The following FGF12 variants were observed in gnomAD, a reference collection of about 807,000 sequenced individuals.
FGF12 encodes the protein fibroblast growth factor 12.
In FGF12, 14 loss-of-function variants were observed where a neutral mutation model predicts 23.6. That is an observed-to-expected ratio of 0.59 (90% confidence interval 0.39 to 0.93). The LOEUF (loss-of-function observed/expected upper bound fraction) is 0.93. Among genes scored for constraint, FGF12 ranks in the 40% least tolerant of loss-of-function variants. The pLI, the probability that FGF12 is intolerant of heterozygous loss-of-function variation, is 0.00. For synonymous variants in FGF12, 62 were observed against 77.3 expected, an observed-to-expected ratio of 0.80 and a Z score of 1.04; for missense variants, 175 against 217.8, an observed-to-expected ratio of 0.80 and a Z score of 1.24.
At chr3:192,669,552 C>T (rs1419458277) in intron 2 of FGF12, among the ~76,000 whole-genome samples, 2 of 136,732 alleles carry the variant, frequency 1.5e-5, no homozygotes, top group Non-Finnish European at 3.0e-5. Context: ...TGCAGTGAGC[C>T]GAAATTGTGC....
intron 2 of FGF12, among the ~76,000 whole-genome samples, chr3:192,456,467 T>A (rs896453802): frequency 6.6e-6 from 1 of 152,222 alleles, no homozygotes; most frequent in Non-Finnish European, 1.5e-5. Context: ...ATCTTTTTTA[T>A]TATAAATGTG....
intron 2 of FGF12, among the ~76,000 whole-genome samples, chr3:192,598,389 T>G (rs143435184): frequency 6.6e-6 from 1 of 152,296 alleles, no homozygotes; most frequent in African/African-American, 2.4e-5. Context: ...GTTCATTGCT[T>G]GTATAATTTA....
intron 2 of FGF12, among the ~76,000 whole-genome samples, chr3:192,722,030 T>C (rs1719053904): frequency 6.6e-6 from 1 of 152,182 alleles, no homozygotes; most frequent in African/African-American, 2.4e-5. Flanking sequence ...TGTAAGCTTT[T>C]AGAGGGCAAG....
intron 2 of FGF12, among the ~76,000 whole-genome samples, chr3:192,604,677 G>A (rs915632150): frequency 6.6e-6 from 1 of 152,102 alleles, no homozygotes; most frequent in Non-Finnish European, 1.5e-5. Context: ...AGCTACAAAT[G>A]TCATTTTTTA....
chr3:192,279,184 T>G (rs1401638640), intron 4 of FGF12, among the ~76,000 whole-genome samples: 2 of 150,392 alleles, frequency 1.3e-5, no homozygotes, highest in Non-Finnish European at 2.9e-5. Flanking sequence ...AATGATCAGT[T>G]TGTATACTGA....
intron 2 of FGF12, among the ~76,000 whole-genome samples, chr3:192,637,123 T>C (rs1419151528): frequency 6.6e-6 from 1 of 152,212 alleles, no homozygotes; most frequent in East Asian, 1.9e-4. Context: ...CTCGCTCCTA[T>C]TTCTTTGGAT....
intron 2 of FGF12, among the ~76,000 whole-genome samples, chr3:192,722,797 C>G (rs569715380): frequency 2.6e-5 from 4 of 152,102 alleles, no homozygotes; most frequent in Non-Finnish European, 5.9e-5. Flanking sequence ...ATTTTGCCCA[C>G]GAGAAGGTTA....
intron 2 of FGF12, among the ~76,000 whole-genome samples, chr3:192,545,905 T>G (rs2108580992): frequency 6.6e-6 from 1 of 152,036 alleles, no homozygotes; most frequent in South Asian, 2.1e-4. Flanking sequence ...TCTCAGAGAT[T>G]TTGAAAAGAA....
intron 4 of FGF12, among the ~76,000 whole-genome samples, chr3:192,301,463 A>C (rs747341550): frequency 1.1e-4 from 17 of 152,350 alleles, no homozygotes; most frequent in Non-Finnish European, 2.2e-4. Flanking sequence ...ATAGATATCC[A>C]ATGGTATAGA....
At chr3:192,254,831 A>G (rs1020834592) in intron 4 of FGF12, among the ~76,000 whole-genome samples, 17 of 152,232 alleles carry the variant, frequency 1.1e-4, no homozygotes, top group African/African-American at 3.8e-4. Flanking sequence ...TGTTTATATA[A>G]CAAATAGATC....
chr3:192,466,852 A>C (rs982121919), intron 2 of FGF12, among the ~76,000 whole-genome samples: 2 of 152,206 alleles, frequency 1.3e-5, no homozygotes, highest in African/African-American at 2.4e-5. Flanking sequence ...CATTATAACT[A>C]GTTCCCTCAA....
At chr3:192,204,008 T>A (rs887829539) in intron 4 of FGF12, among the ~76,000 whole-genome samples, 2 of 152,076 alleles carry the variant, frequency 1.3e-5, no homozygotes, top group Non-Finnish European at 2.9e-5. Flanking sequence ...CCAAAAAGAA[T>A]TTGTCGTTAA....
intron 3 of FGF12, among the ~76,000 whole-genome samples, chr3:192,340,324 T>C (rs1451657720): frequency 6.6e-6 from 1 of 152,070 alleles, no homozygotes; most frequent in African/African-American, 2.4e-5. Context: ...CACAACCAGA[T>C]TGTAAGCTCT....
intron 2 of FGF12, among the ~76,000 whole-genome samples, chr3:192,611,656 C>T (rs1714555178): frequency 6.6e-6 from 1 of 151,958 alleles, no homozygotes; most frequent in South Asian, 2.1e-4. Context: ...CAGAGGAATT[C>T]TTAAGTACTT....
intron 4 of FGF12, among the ~76,000 whole-genome samples, chr3:192,311,689 T>A (rs1199639809): frequency 6.6e-6 from 1 of 152,212 alleles, no homozygotes; most frequent in Non-Finnish European, 1.5e-5. Context: ...GGTCATATAA[T>A]AACTCTGTGT....
intron 5 of FGF12, among the ~76,000 whole-genome samples, chr3:192,146,638 A>G (rs894176523): frequency 6.6e-6 from 1 of 151,946 alleles, no homozygotes; most frequent in Non-Finnish European, 1.5e-5. Context: ...TAGTTTTTTT[A>G]TGCCACAGAT....
intron 2 of FGF12, among the ~76,000 whole-genome samples, chr3:192,600,175 T>C (rs1218063964): frequency 2.0e-5 from 3 of 152,096 alleles, no homozygotes; most frequent in Admixed American, 6.6e-5. Context: ...TCCTGGCGCC[T>C]TTGTCAAAAA....
At chr3:192,656,013 G>C (rs1025982618) in intron 2 of FGF12, among the ~76,000 whole-genome samples, 1 of 75,258 alleles carries the variant, frequency 1.3e-5, no homozygotes. Context: ...TGCCAGAAAA[G>C]AAATTCCCTC....
intron 2 of FGF12, among the ~76,000 whole-genome samples, chr3:192,645,767 TAAAAAAA>T (rs55809400): frequency 7.7e-4 from 55 of 71,060 alleles, no homozygotes; most frequent in Middle Eastern, 0.014. Flanking sequence ...ACAAAACAGG[TAAAAAAA>T]AAAAAAAAAA....
Sources: gnomAD v4.1 joint callset for allele counts (sites outside exome capture counted in the v4.1 genomes callset) on GRCh38, gnomAD v4.1.1 for gene constraint, MANE v1.5 for transcripts, NCBI Gene and HGNC (gene_info 2026-07-23, HGNC 2026-07-21) for gene names.